TDRD7: variants seen among roughly 807,000 people sequenced by gnomAD.
TDRD7 encodes the protein tudor domain-containing protein 7.
A neutral mutation model predicts 109.8 loss-of-function variants in TDRD7; 47 were observed. The observed-to-expected ratio is 0.43, with a 90% confidence interval of 0.34 to 0.55. The LOEUF (loss-of-function observed/expected upper bound fraction) is 0.55, where lower values mean the gene tolerates loss of function less well. Ranked by LOEUF, TDRD7 falls within the 20% of genes least tolerant of loss-of-function variation. TDRD7 has a pLI of 0.03. For synonymous variants in TDRD7, 424 were observed against 457.3 expected (o/e 0.93, Z 0.93); for missense variants, 1,164 against 1,319.2 (o/e 0.88, Z 1.82).
chr9:97,450,413 A>G (rs1564202519), intron 6 of TDRD7, among the ~76,000 whole-genome samples: 1 of 152,122 alleles, frequency 6.6e-6, no homozygotes, highest in East Asian at 1.9e-4. Context: ...AGATGCCGTA[A>G]AAGTTCCCTT....
chr9:97,488,709 G>A (rs1275072310), intron 16 of TDRD7, among the ~76,000 whole-genome samples: 1 of 152,134 alleles, frequency 6.6e-6, no homozygotes, highest in Non-Finnish European at 1.5e-5. Flanking sequence ...CCAGCATTGT[G>A]GCTAAGAGTT....
chr9:97,488,934 A>G (rs1564217467), intron 16 of TDRD7, among the ~76,000 whole-genome samples: 2 of 152,174 alleles, frequency 1.3e-5, no homozygotes, highest in South Asian at 4.1e-4. Flanking sequence ...ACTGTGCTTA[A>G]TCTCTTAAGT....
chr9:97,455,472 C>A (rs993053978), intron 6 of TDRD7, among the ~76,000 whole-genome samples: 1 of 152,174 alleles, frequency 6.6e-6, no homozygotes, highest in Non-Finnish European at 1.5e-5. Flanking sequence ...AAAACTTATC[C>A]ACCATGATCA....
intron 6 of TDRD7, among the ~76,000 whole-genome samples, chr9:97,451,372 C>CTTA (rs1828489032): frequency 6.6e-6 from 1 of 152,174 alleles, no homozygotes; most frequent in Non-Finnish European, 1.5e-5. Context: ...TCACTGCAGC[C>CTTA]TGGACATCCT....
intron 6 of TDRD7, among the ~76,000 whole-genome samples, chr9:97,453,797 CAAA>C (rs1828551529): frequency 6.6e-6 from 1 of 152,000 alleles, no homozygotes; most frequent in Non-Finnish European, 1.5e-5. Context: ...TAAAAAAAGA[CAAA>C]GAAGGGCATT....
Position 97,483,088 on chromosome 9 carries a change from C to T in TDRD7, c.2652C>T (p.Val884=). 1 of 1,614,128 alleles carries T rather than the reference C, an allele frequency of 6.2e-7. No individual in the cohort carries two copies. ...GENFRKNLTD[V]IKKSMVDHTS... is the part of the protein sequence containing the mutation. ...ATTTCAGAAAGAACCTCACAGATGT[C>T]ATCAAAAAGTCCATGGTGGACCATA... The change falls in exon 15 of 17, where the codon GTC becomes GTT. Residue 884 remains valine (V), a synonymous_variant. Coordinates refer to ENST00000355295, the MANE Select transcript of TDRD7 (RefSeq NM_014290.3).
chr9:97,481,257 C>T (rs1244170179), intron 14 of TDRD7, among the ~76,000 whole-genome samples: 1 of 152,166 alleles, frequency 6.6e-6, no homozygotes, highest in Non-Finnish European at 1.5e-5. Flanking sequence ...ACAGAGGGAC[C>T]ACAGATCTCT....
At position 97,428,946 on chromosome 9, in the gene TDRD7, A is replaced by G. The variant is rs147974377; in HGVS notation, c.207+274A>G. Reference sequence around the variant, plus strand: ...GTCAACATCTAAACAAAATAGTTGTACTGGAGGCCTTAAGTGCATAAATAT... The same window carrying G: ...GTCAACATCTAAACAAAATAGTTGTGCTGGAGGCCTTAAGTGCATAAATAT... On this transcript the variant is annotated intron_variant, in intron 2 of 16. Coordinates refer to ENST00000355295, the MANE Select transcript of TDRD7 (RefSeq NM_014290.3). 2.0e-5 allele frequency among the ~76,000 whole-genome samples: 3 copies of G among 152,368 alleles called. No individual in the cohort carries two copies. In the East Asian group the frequency reaches 5.8e-4, roughly 29 times the overall value.
At chr9:97,449,165 A>C (rs971789592) in intron 6 of TDRD7, among the ~76,000 whole-genome samples, 1 of 152,146 alleles carries the variant, frequency 6.6e-6, no homozygotes, top group Non-Finnish European at 1.5e-5. Flanking sequence ...AAAAATACTC[A>C]AACTATGTTT....
chr9:97,420,904 G>A (rs1345718510), intron 1 of TDRD7, among the ~76,000 whole-genome samples: 1 of 152,106 alleles, frequency 6.6e-6, no homozygotes, highest in Non-Finnish European at 1.5e-5. Flanking sequence ...AGGCCAGGGC[G>A]GGTGGATCAC....
In TDRD7 at chr9:97,483,077, C is replaced by T. The variant is rs746667320; in HGVS notation, c.2641C>T (p.Leu881Phe). The change falls in exon 15 of 17, where the codon CTC (leucine) becomes TTC (phenylalanine). Residue 881 changes from leucine to phenylalanine, a missense_variant. This residue lies in a region of TDRD7 where 233 missense variants were observed against 218.0 expected (regional missense o/e 1.07). Transcript: ENST00000355295. ...CACTGGAGAGAATTTCAGAAAGAAC[C>T]TCACAGATGTCATCAAAAAGTCCAT... The part of the protein sequence containing the change: ...GNTGENFRKN[L>F]TDVIKKSMVD... 2 of 1,614,010 alleles carry T rather than the reference C, an allele frequency of 1.2e-6. No individual in the cohort carries two copies. Among genetic ancestry groups the T allele is most frequent in the African/African-American group, 2.7e-5 (2 of 74,936 alleles).
At chr9:97,418,555 G>T (rs936553660) in intron 1 of TDRD7, among the ~76,000 whole-genome samples, 1 of 152,098 alleles carries the variant, frequency 6.6e-6, no homozygotes, top group Non-Finnish European at 1.5e-5. Flanking sequence ...AAAAAATTGT[G>T]AAGTGCCCTT....
chr9:97,481,644 G>C (rs909881688), intron 14 of TDRD7, among the ~76,000 whole-genome samples: 1 of 152,124 alleles, frequency 6.6e-6, no homozygotes, highest in Non-Finnish European at 1.5e-5. Flanking sequence ...TTCCTCTGGG[G>C]TTTATAGTGT....
intron 15 of TDRD7, among the ~76,000 whole-genome samples, chr9:97,486,346 G>A (rs1416359549): frequency 6.6e-6 from 1 of 152,132 alleles, no homozygotes; most frequent in East Asian, 1.9e-4. Flanking sequence ...TAACCTTGAA[G>A]TCTGGGTTTT....
At chr9:97,415,936 G>A (rs1032023186) in intron 1 of TDRD7, among the ~76,000 whole-genome samples, 2 of 152,184 alleles carry the variant, frequency 1.3e-5, no homozygotes, top group Admixed American at 1.3e-4. Context: ...AAAACTCAGA[G>A]CATTTCCAAA....
At chr9:97,479,883 T>C (rs1439860282) in intron 13 of TDRD7, among the ~76,000 whole-genome samples, 1 of 152,212 alleles carries the variant, frequency 6.6e-6, no homozygotes, top group Non-Finnish European at 1.5e-5. Flanking sequence ...GGGGAAGTGC[T>C]CCTTAGGAGT....
intron 10 of TDRD7, among the ~76,000 whole-genome samples, chr9:97,472,732 A>G (rs1050481895): frequency 1.8e-4 from 28 of 152,278 alleles, no homozygotes; most frequent in African/African-American, 6.7e-4. Flanking sequence ...TTGATTTTAT[A>G]TGAGATTATT....
chr9:97,480,886 C>G lies in TDRD7; in HGVS notation c.2360C>G (p.Ala787Gly), dbSNP rs1486647357. Residue 787 changes from alanine to glycine, a missense_variant, in exon 14 of 17, where the codon GCA becomes GGA. Coordinates refer to ENST00000355295, the MANE Select transcript of TDRD7 (RefSeq NM_014290.3). ...PQSIGMWTPD[A>G]VLWLRDSVLN... ...TCTATTGGCATGTGGACACCAGATG[C>G]AGTGCTGTGGTTAAGAGATTCTGTT... The G allele has an allele frequency of 2.5e-6, 4 of 1,613,994 alleles. No homozygotes were observed. Among genetic ancestry groups the G allele is most frequent in the South Asian group, 2.2e-5 (2 of 91,078 alleles).
chr9:97,484,297 T>C (rs934524759), intron 15 of TDRD7, among the ~76,000 whole-genome samples: 1 of 152,196 alleles, frequency 6.6e-6, no homozygotes, highest in African/African-American at 2.4e-5. Flanking sequence ...CCCTGCAGGA[T>C]GTGCTGGTTT....
Sources: allele counts gnomAD v4.1 joint callset (sites outside exome capture counted in the v4.1 genomes callset), GRCh38; gene constraint gnomAD v4.1.1; regional missense constraint gnomAD v4.1.1; transcripts MANE v1.5; gene names NCBI Gene and HGNC (gene_info 2026-07-23, HGNC 2026-07-21).